The following FBXO44 variants were observed in gnomAD, a reference collection of about 807,000 sequenced individuals.
FBXO44 encodes F-box protein 44.
Under a neutral mutation model 33.5 loss-of-function variants are expected in FBXO44, and 25 were observed. The observed-to-expected ratio is 0.75, with a 90% CI of 0.54 to 1.04. FBXO44 has a LOEUF of 1.04. Ranked by LOEUF, FBXO44 falls within the 50% of genes least tolerant of loss-of-function variation. The probability of loss-of-function intolerance (pLI) is 0.00; values close to 1 mark genes in which losing one functional copy is unlikely to be tolerated. For missense variants in FBXO44, 311 were observed against 344.0 expected (o/e 0.90, Z 0.76); for synonymous variants, 147 against 152.8 (o/e 0.96, Z 0.28).
intron 5 of FBXO44, among the ~76,000 whole-genome samples, chr1:11,659,778 G>A (rs1260027920): frequency 6.6e-6 from 1 of 152,202 alleles, no homozygotes; most frequent in Non-Finnish European, 1.5e-5. Context: ...CTACAGGCAT[G>A]AGCCACTGTG....
chr1:11,654,735 G>T (rs1353221873), upstream of FBXO44: 2 of 198,096 alleles, frequency 1.0e-5, no homozygotes, highest in East Asian at 2.3e-4. Flanking sequence ...GGCGGAGTCG[G>T]AGTATAGGAG....
Position 11,658,503 on chromosome 1 carries a change from AG to A in FBXO44, c.393-29del, listed in dbSNP as rs1057105976. The stretch of plus-strand genomic sequence containing the variant: ...CCCTCACTGCCCTAGTGGTGAGCCC[AG>A]CCCCTCCCACCCCTCTGCCTGCCCC... On this transcript the variant is annotated intron_variant, in intron 3 of 5. Coordinates refer to ENST00000251547, the MANE Select transcript of FBXO44 (RefSeq NM_033182.7). 2.5e-6 allele frequency: 4 copies of A among 1,604,528 alleles called. No homozygotes were observed. The African/African-American group carries it at 5.4e-5, about 21-fold the overall frequency.
Position 11,658,261 on chromosome 1 carries a change from C to T in FBXO44, c.266-6C>T, listed in dbSNP as rs373096244. 5 of 1,613,508 alleles carry T rather than the reference C, an allele frequency of 3.1e-6. No homozygotes were observed. In the African/African-American group the frequency reaches 4.0e-5, roughly 13 times the overall value. ...CCCTTCAGTGTGAACTCTGCTTTTC[C>T]ATCAGAGGGGTTCGAGTTCTGGAGC... On this transcript the variant is annotated splice_polypyrimidine_tract_variant and splice_region_variant and intron_variant, in intron 2 of 5. Transcript: ENST00000251547.
chr1:11,657,585 A>G (rs779428023), intron 2 of FBXO44, among the ~76,000 whole-genome samples: 5 of 152,044 alleles, frequency 3.3e-5, no homozygotes, highest in African/African-American at 4.8e-5. Flanking sequence ...ACAAAAAAAT[A>G]CAAACATTAA....
intron 1 of FBXO44, chr1:11,655,479 C>A: frequency 3.5e-6 from 1 of 282,782 alleles, no homozygotes; most frequent in Non-Finnish European, 6.8e-6. Context: ...GTGCTCTGCC[C>A]GGCTGCGCAT....
Position 11,655,930 on chromosome 1 carries a change from T to A in FBXO44, c.95T>A (p.Leu32Gln). 3 of 1,614,026 alleles carry A rather than the reference T, an allele frequency of 1.9e-6. No homozygotes were observed. The highest frequency in any genetic ancestry group is 2.5e-6 in the Non-Finnish European group (3 of 1,180,036). Reference sequence around the variant, plus strand: ...CGCCAGCTGCTGCTGAACTGCCGCCTGGTCTGCAGCCTCTGGCGGGACCTC... The same window carrying A: ...CGCCAGCTGCTGCTGAACTGCCGCCAGGTCTGCAGCCTCTGGCGGGACCTC... ...PARQLLLNCR[L>Q]VCSLWRDLID... Residue 32 changes from leucine to glutamine, a missense_variant, in exon 2 of 6, where the codon CTG (leucine) becomes CAG (glutamine). Leu to Gln is a moderately radical substitution (Grantham distance 113). Coordinates refer to ENST00000251547, the MANE Select transcript of FBXO44 (RefSeq NM_033182.7).
At chr1:11,659,715 C>T (rs1046692620) in intron 5 of FBXO44, among the ~76,000 whole-genome samples, 2 of 152,098 alleles carry the variant, frequency 1.3e-5, no homozygotes, top group African/African-American at 2.4e-5. Flanking sequence ...AGGCTGGTCT[C>T]GCACTCCTGG....
At chr1:11,655,472 C>G in intron 1 of FBXO44, 1 of 266,346 alleles carries the variant, frequency 3.8e-6, no homozygotes, top group East Asian at 7.9e-5. Context: ...GCCTGGGGTG[C>G]TCTGCCCGGC....
Position 11,661,195 on chromosome 1 carries a change from G to C in FBXO44, c.690G>C (p.Val230=). 6.2e-7 allele frequency: 1 copy of C among 1,614,058 alleles called. No individual in the cohort carries two copies. Among genetic ancestry groups the C allele is most frequent in the Non-Finnish European group, 8.5e-7 (1 of 1,180,008 alleles). The change falls in exon 6 of 6, where the codon GTG becomes GTC. Residue 230 remains valine (V), a synonymous_variant. Transcript: ENST00000251547. This position sits in a 1 kb window ranked among gnomAD's most constrained non-coding sequence, Gnocchi z 4.4. ...VRYIWFQHGG[V]DTHYWAGWYG... is the part of the protein sequence containing the mutation. ...ACATCTGGTTTCAGCACGGCGGCGTGGACACTCATTACTGGGCCGGCTGGT... is the reference window on the plus strand; with the variant it reads ...ACATCTGGTTTCAGCACGGCGGCGTCGACACTCATTACTGGGCCGGCTGGT...
In FBXO44 at chr1:11,662,910, A is replaced by T. The variant is rs1570260534; in HGVS notation, c.*1637A>T. On this transcript the variant is annotated 3_prime_UTR_variant, in exon 6 of 6. Transcript: ENST00000251547. ...TGAAGAAGGTCGTTGCTTCCCCTTC[A>T]CCTTCCACCACCATGATTGTAAGTT... The T allele has an allele frequency of 6.7e-6, 1 of 148,398 alleles. No individual in the cohort carries two copies. The highest frequency in any genetic ancestry group is 1.5e-5 in the Non-Finnish European group (1 of 67,114). The allele number at this position is 148,398 out of a possible 1,614,324, so 9.2% of individuals were successfully genotyped here. A position where few individuals can be genotyped will look rare whatever the true frequency, so the allele number is the denominator to read the frequency against.
chr1:11,657,609 C>T (rs1639892450), intron 2 of FBXO44, among the ~76,000 whole-genome samples: 1 of 152,166 alleles, frequency 6.6e-6, no homozygotes, highest in African/African-American at 2.4e-5. Flanking sequence ...GGTGTGGTGG[C>T]ATGCACCTGT....
At position 11,661,063 on chromosome 1, in the gene FBXO44, G is replaced by A. The variant is rs906316001; in HGVS notation, c.625-67G>A. On this transcript the variant is annotated intron_variant, in intron 5 of 5. Transcript: ENST00000251547. This position sits in a 1 kb window ranked among gnomAD's most constrained non-coding sequence, Gnocchi z 4.4. ...CTCCCAAAGTACTGGGATTCCCGGT[G>A]TGAGCCGCCACACCCAGCCTGAGTC... 7.3e-6 allele frequency: 11 copies of A among 1,511,286 alleles called. No homozygotes were observed. In the African/African-American group the frequency reaches 1.5e-4, roughly 21 times the overall value. 93.6% of individuals were successfully genotyped at this position (1,511,286 alleles called of 1,614,324 possible). A position where few individuals can be genotyped will look rare whatever the true frequency, so the allele number is the denominator to read the frequency against.
rs1430201324 is a variant in FBXO44 at position 11,658,256 on chromosome 1, T to C, written c.266-11T>C. 2 of 1,613,498 alleles carry C rather than the reference T, an allele frequency of 1.2e-6. No homozygotes were observed. Among genetic ancestry groups the C allele is most frequent in the East Asian group, 2.2e-5 (1 of 44,870 alleles). ...GGCTTCCCTTCAGTGTGAACTCTGC[T>C]TTTCCATCAGAGGGGTTCGAGTTCT... is the stretch of plus-strand genomic sequence containing the variant. On this transcript the variant is annotated splice_polypyrimidine_tract_variant and intron_variant, in intron 2 of 5. Transcript: ENST00000251547.
At chr1:11,659,044 T>G (rs555008441) in intron 5 of FBXO44, among the ~76,000 whole-genome samples, 173 bp downstream of exon 5, 1 of 152,338 alleles carries the variant, frequency 6.6e-6, no homozygotes, top group South Asian at 2.1e-4. Context: ...CTCATAGAGC[T>G]CTGAAAGAAA....
chr1:11,655,267 G>A (rs7527817), intron 1 of FBXO44: 1 of 151,120 alleles, frequency 6.6e-6, no homozygotes, highest in African/African-American at 2.4e-5. Context: ...GGGTGGGAGT[G>A]GGGGTGGGGA....
chr1:11,658,453 C>T (rs1639959552), intron 3 of FBXO44, 60 bp downstream of exon 3: 2 of 1,611,524 alleles, frequency 1.2e-6, no homozygotes, highest in Admixed American at 1.7e-5. Flanking sequence ...GGGGTCTCTC[C>T]CACCCTGGAA....
intron 2 of FBXO44, among the ~76,000 whole-genome samples, chr1:11,657,517 A>G (rs1177924184): frequency 6.6e-6 from 1 of 152,232 alleles, no homozygotes; most frequent in Non-Finnish European, 1.5e-5. Flanking sequence ...AGGTGGGTGG[A>G]TCATCTGAGG....
chr1:11,658,907 C>T (rs1174152611), intron 5 of FBXO44, 36 bp downstream of exon 5: 2 of 1,599,080 alleles, frequency 1.3e-6, no homozygotes, highest in Non-Finnish European at 8.5e-7. Flanking sequence ...AGAGGCAGAT[C>T]GTCCAAGGCT....
intron 5 of FBXO44, among the ~76,000 whole-genome samples, chr1:11,659,857 C>T (rs575450206): frequency 2.0e-4 from 31 of 152,350 alleles, no homozygotes; most frequent in African/African-American, 7.0e-4. Flanking sequence ...GTCACATTGT[C>T]TCTGTCACAA....
Sources: gnomAD v4.1 joint callset for allele counts (sites outside exome capture counted in the v4.1 genomes callset) on GRCh38, gnomAD v4.1.1 for gene constraint, Gnocchi (gnomAD v3.1) non-coding constraint, MANE v1.5 for transcripts, NCBI Gene and HGNC (gene_info 2026-07-23, HGNC 2026-07-21) for gene names.